Variants in PTPRD observed in about 807,000 individuals in gnomAD.
PTPRD encodes protein tyrosine phosphatase receptor type D, also known as receptor-type tyrosine-protein phosphatase delta.
Under a neutral mutation model 214.5 loss-of-function variants are expected in PTPRD, and 34 were observed. That is an observed-to-expected ratio of 0.16 (90% confidence interval 0.12 to 0.21). The LOEUF (loss-of-function observed/expected upper bound fraction) is 0.21, where lower values mean the gene tolerates loss of function less well. PTPRD is among the 10% of genes least tolerant of loss of function. The pLI is 1.00. For missense variants in PTPRD, 2,545 were observed against 2,398.7 expected (o/e 1.06, Z -1.27); for synonymous variants, 1,128 against 845.7 (o/e 1.33, Z -5.79).
chr9:9,614,129 A>G (rs1275902197), intron 7 of PTPRD, among the ~76,000 whole-genome samples: 1 of 151,404 alleles, frequency 6.6e-6, no homozygotes, highest in Non-Finnish European at 1.5e-5. Flanking sequence ...TAAATATATA[A>G]TATACATATA....
At chr9:9,499,178 T>C (rs993122361) in intron 8 of PTPRD, among the ~76,000 whole-genome samples, 5 of 152,138 alleles carry the variant, frequency 3.3e-5, no homozygotes, top group African/African-American at 1.2e-4. Flanking sequence ...ATTCAGATAG[T>C]AGAATATATA....
chr9:9,610,545 G>A (rs1294209456), intron 7 of PTPRD, among the ~76,000 whole-genome samples: 1 of 152,142 alleles, frequency 6.6e-6, no homozygotes, highest in South Asian at 2.1e-4. Flanking sequence ...AAATTAGTGA[G>A]ACCAGTATGC....
chr9:8,540,638 A>G (rs1045292614), intron 14 of PTPRD, among the ~76,000 whole-genome samples: 25 of 152,208 alleles, frequency 1.6e-4, no homozygotes, highest in African/African-American at 5.8e-4. Context: ...ATTAACTTAG[A>G]ATAGCTTCAG....
intron 8 of PTPRD, among the ~76,000 whole-genome samples, chr9:9,408,193 ATTGT>A (rs1209808211): frequency 6.6e-6 from 1 of 151,806 alleles, no homozygotes; most frequent in Non-Finnish European, 1.5e-5. Flanking sequence ...TTTGTTTTTC[ATTGT>A]TTTCTTAAAC....
At chr9:9,499,235 G>T (rs1163122510) in intron 8 of PTPRD, among the ~76,000 whole-genome samples, 2 of 152,058 alleles carry the variant, frequency 1.3e-5, no homozygotes, top group South Asian at 2.1e-4. Context: ...CAAGACGTAT[G>T]ATGTTATCCC....
At chr9:10,084,449 T>A (rs530479563) in intron 3 of PTPRD, among the ~76,000 whole-genome samples, 22 of 151,966 alleles carry the variant, frequency 1.4e-4, no homozygotes, top group Non-Finnish European at 2.4e-4. Context: ...AAAAATAAAA[T>A]CCATGATTAA....
rs143351852 is a variant in PTPRD, at chr9:10,050,339, C to T, written c.-544-16549G>A. Among the ~76,000 whole-genome samples, 772 of 151,486 alleles carry T rather than the reference C, an allele frequency of 5.1e-3. 4 individuals carry two copies. The highest frequency in any genetic ancestry group is 8.1e-3 in the Non-Finnish European group (550 of 67,854). ...CTTTGGGAGGCTGAGGAGGGCTGATCACAAGGTCAGGAGTTGGAGACCAGC... is the reference window on the plus strand; with the variant it reads ...CTTTGGGAGGCTGAGGAGGGCTGATTACAAGGTCAGGAGTTGGAGACCAGC... On this transcript the variant is annotated intron_variant, in intron 3 of 45. Transcript: ENST00000381196.
At chr9:10,504,225 A>T (rs2045099404) in intron 2 of PTPRD, among the ~76,000 whole-genome samples, 1 of 149,984 alleles carries the variant, frequency 6.7e-6, no homozygotes, top group Non-Finnish European at 1.5e-5. Context: ...GGTGTGATAT[A>T]TGCATCGAAC....
intron 2 of PTPRD, among the ~76,000 whole-genome samples, chr9:10,343,062 T>C (rs551723467): frequency 2.0e-5 from 3 of 152,264 alleles, no homozygotes; most frequent in East Asian, 3.9e-4. Flanking sequence ...TGTGCCATGT[T>C]GGTTTGTTGC....
intron 4 of PTPRD, among the ~76,000 whole-genome samples, chr9:10,001,217 C>T (rs2096303987): frequency 6.6e-6 from 1 of 152,054 alleles, no homozygotes; most frequent in East Asian, 1.9e-4. Context: ...TGACATCATC[C>T]ATTCCGAAGA....
chr9:10,604,173 ACC>A (rs55887940), intron 2 of PTPRD, among the ~76,000 whole-genome samples: 1 of 634 alleles, frequency 1.6e-3, no homozygotes, highest in South Asian at 0.17. Flanking sequence ...ATATATTCTG[ACC>A]TATTCTGACC....
intron 2 of PTPRD, among the ~76,000 whole-genome samples, chr9:10,497,132 T>A (rs1358062746): frequency 6.6e-6 from 1 of 151,798 alleles, no homozygotes; most frequent in African/African-American, 2.4e-5. Flanking sequence ...GAACAACAGA[T>A]GCTGCAGGCT....
intron 8 of PTPRD, among the ~76,000 whole-genome samples, chr9:9,476,290 T>C (rs539157230): frequency 6.6e-6 from 1 of 152,346 alleles, no homozygotes; most frequent in South Asian, 2.1e-4. Flanking sequence ...CAAGCAAATA[T>C]TTCTATTCAC....
chr9:10,582,289 TAC>T (rs367780459), intron 2 of PTPRD, among the ~76,000 whole-genome samples: 5 of 152,304 alleles, frequency 3.3e-5, no homozygotes, highest in African/African-American at 1.2e-4. Flanking sequence ...TGTTTTTTCA[TAC>T]CTCTGTCCTC....
At chr9:9,132,638 T>A (rs2099844532) in intron 10 of PTPRD, among the ~76,000 whole-genome samples, 1 of 152,168 alleles carries the variant, frequency 6.6e-6, no homozygotes, top group South Asian at 2.1e-4. Context: ...TCAGTCTCTT[T>A]CTAATTTAAT....
At chr9:9,931,108 A>C (rs923795791) in intron 5 of PTPRD, among the ~76,000 whole-genome samples, 32 of 152,200 alleles carry the variant, frequency 2.1e-4, no homozygotes, top group Admixed American at 2.1e-3. Context: ...TATTTTTATG[A>C]AACAATTTAA....
intron 2 of PTPRD, among the ~76,000 whole-genome samples, chr9:10,538,209 G>A (rs1452057460): frequency 2.0e-5 from 3 of 150,936 alleles, no homozygotes; most frequent in African/African-American, 7.3e-5. Context: ...AGACGACACT[G>A]TGGATAGAGA....
At chr9:9,881,681 G>C (rs2068740996) in intron 5 of PTPRD, among the ~76,000 whole-genome samples, 1 of 152,054 alleles carries the variant, frequency 6.6e-6, no homozygotes, top group Admixed American at 6.6e-5. Flanking sequence ...GTTGTATTAA[G>C]GTGCCACTTT....
chr9:8,351,081 T>C (rs2075312679), intron 39 of PTPRD, among the ~76,000 whole-genome samples: 1 of 152,196 alleles, frequency 6.6e-6, no homozygotes, highest in African/African-American at 2.4e-5. Context: ...GCTAGGGAAC[T>C]AGTTGAATAA....
Sources: gnomAD v4.1 joint callset for allele counts (sites outside exome capture counted in the v4.1 genomes callset) on GRCh38, gnomAD v4.1.1 for gene constraint, MANE v1.5 for transcripts, NCBI Gene and HGNC (gene_info 2026-07-23, HGNC 2026-07-21) for gene names.